The following DPP6 variants were observed in gnomAD, a reference collection of about 807,000 sequenced individuals.
DPP6 encodes A-type potassium channel modulatory protein DPP6.
Under a neutral mutation model 122.6 loss-of-function variants are expected in DPP6, and 69 were observed. The observed-to-expected ratio is 0.56, with a 90% CI of 0.46 to 0.69. DPP6 has a LOEUF of 0.69. Ranked by LOEUF, DPP6 falls within the 30% of genes least tolerant of loss-of-function variation. The pLI, the probability that DPP6 is intolerant of heterozygous loss-of-function variation, is 0.00. For synonymous variants in DPP6, 418 were observed against 433.1 expected (o/e 0.97, Z 0.43); for missense variants, 928 against 1,116.9 (o/e 0.83, Z 2.41).
At chr7:154,003,019 G>A (rs967444887) in intron 1 of DPP6, among the ~76,000 whole-genome samples, 2 of 152,060 alleles carry the variant, frequency 1.3e-5, no homozygotes, top group African/African-American at 4.8e-5. Context: ...TTTGAGGGGA[G>A]GAGAAAAAAG....
the DPP6 span, among the ~76,000 whole-genome samples, chr7:153,842,895 CTTGT>C: frequency 1.3e-5 from 2 of 152,278 alleles, no homozygotes; most frequent in East Asian, 1.9e-4. Flanking sequence ...ATTGATATCA[CTTGT>C]TTGAGTATCT....
chr7:154,839,579 G>A (rs767386498), intron 16 of DPP6, among the ~76,000 whole-genome samples: 5 of 152,352 alleles, frequency 3.3e-5, no homozygotes, highest in Non-Finnish European at 7.3e-5. Context: ...CATGATCAGC[G>A]GGGCGGGATT....
In DPP6 at chr7:154,879,917, G is replaced by T. The variant is rs542086659; in HGVS notation, c.2079-971G>T. ...GCCTCCGCCACGTGGAGGGCACAGC[G>T]CACGCCAGGAAATCTCTTCCGGTTT... On this transcript the variant is annotated intron_variant, in intron 20 of 25. Transcript: ENST00000377770. 2.6e-5 allele frequency among the ~76,000 whole-genome samples: 4 copies of T among 152,214 alleles called. No homozygotes were observed. In the East Asian group the frequency reaches 5.8e-4, roughly 22 times the overall value.
chr7:154,390,940 T>C (rs1174334852), intron 1 of DPP6, among the ~76,000 whole-genome samples: 1 of 151,946 alleles, frequency 6.6e-6, no homozygotes. Flanking sequence ...GTCAGAAGGG[T>C]CCCACCGTTT....
At chr7:154,028,796 T>C (rs1164401261) in intron 1 of DPP6, among the ~76,000 whole-genome samples, 1 of 152,078 alleles carries the variant, frequency 6.6e-6, no homozygotes, top group East Asian at 1.9e-4. Flanking sequence ...CCTTGTTAAC[T>C]CCCTCGTCTG....
At chr7:154,508,373 C>A (rs151279484) in intron 3 of DPP6, among the ~76,000 whole-genome samples, 164 of 152,222 alleles carry the variant, frequency 1.1e-3, no homozygotes, top group South Asian at 9.5e-3. Flanking sequence ...ACTGGGGTTC[C>A]CTCCAGCTGG....
intron 1 of DPP6, among the ~76,000 whole-genome samples, chr7:154,186,426 T>TG (rs1473653485): frequency 6.6e-6 from 1 of 152,272 alleles, no homozygotes; most frequent in Non-Finnish European, 1.5e-5. Context: ...CATCTCCGAA[T>TG]GATCTGAAAA....
At chr7:154,713,619 G>A (rs542447541) in intron 7 of DPP6, among the ~76,000 whole-genome samples, 31 of 152,354 alleles carry the variant, frequency 2.0e-4, no homozygotes, top group Admixed American at 1.8e-3. Flanking sequence ...CAAGCTGTAC[G>A]TTGGCCCCTT....
intron 1 of DPP6, among the ~76,000 whole-genome samples, chr7:153,903,266 G>C (rs1158376766): frequency 6.6e-6 from 1 of 152,206 alleles, no homozygotes; most frequent in Non-Finnish European, 1.5e-5. Context: ...CATGGCTAAG[G>C]AGCAGCCATA....
At chr7:153,998,564 G>A (rs1403214530) in intron 1 of DPP6, among the ~76,000 whole-genome samples, 2 of 152,166 alleles carry the variant, frequency 1.3e-5, no homozygotes, top group African/African-American at 2.4e-5. Flanking sequence ...CAGCAACATC[G>A]TGGTCATGGT....
chr7:153,998,695 T>A (rs548973618), intron 1 of DPP6, among the ~76,000 whole-genome samples: 1 of 152,360 alleles, frequency 6.6e-6, no homozygotes, highest in Non-Finnish European at 1.5e-5. Context: ...AACAGCTCCC[T>A]GTAAGTGACA....
the DPP6 span, among the ~76,000 whole-genome samples, chr7:153,773,416 T>A: frequency 6.6e-6 from 1 of 151,370 alleles, no homozygotes; most frequent in Non-Finnish European, 1.5e-5. Flanking sequence ...TGTAAATTAT[T>A]ATGCAAGAAC....
chr7:154,460,656 T>A (rs1167764734), intron 2 of DPP6, among the ~76,000 whole-genome samples: 1 of 152,250 alleles, frequency 6.6e-6, no homozygotes, highest in Non-Finnish European at 1.5e-5. Flanking sequence ...ATAAGTTGGT[T>A]TTTAAAATCA....
intron 1 of DPP6, among the ~76,000 whole-genome samples, chr7:154,220,264 C>T (rs1800228593): frequency 6.6e-6 from 1 of 152,190 alleles, no homozygotes; most frequent in Admixed American, 6.5e-5. Context: ...CCTTTCTGCT[C>T]TTCCATTCCT....
intron 1 of DPP6, among the ~76,000 whole-genome samples, chr7:154,121,988 A>G (rs1243236249): frequency 7.2e-5 from 11 of 152,272 alleles, no homozygotes; most frequent in Admixed American, 5.2e-4. Context: ...TCTCACAATT[A>G]TAGTAATTAC....
intron 3 of DPP6, among the ~76,000 whole-genome samples, chr7:154,501,216 A>T (rs1006129221): frequency 2.6e-5 from 4 of 151,636 alleles, no homozygotes; most frequent in African/African-American, 7.3e-5. Flanking sequence ...GCAGAGCATG[A>T]AAGTTTGGAC....
chr7:154,554,242 C>A (rs1829856653), intron 4 of DPP6, among the ~76,000 whole-genome samples: 1 of 152,190 alleles, frequency 6.6e-6, no homozygotes, highest in Non-Finnish European at 1.5e-5. Context: ...ATACAATCAT[C>A]TATTTATGTT....
At chr7:154,290,913 G>T (rs1227407816) in intron 1 of DPP6, among the ~76,000 whole-genome samples, 1 of 152,136 alleles carries the variant, frequency 6.6e-6, no homozygotes, top group Non-Finnish European at 1.5e-5. Context: ...ACCTTCCCCA[G>T]TGTCTAAATA....
At position 154,608,333 on chromosome 7, in the gene DPP6, A is replaced by AT. The variant is rs1212849244; in HGVS notation, c.628-29487dup. ...TTTAGGAGTGATCATATATATATAT[A>AT]TATATATATTTTGAGATGGAATCTC... On this transcript the variant is annotated intron_variant, in intron 5 of 25. Transcript: ENST00000377770. Among the ~76,000 whole-genome samples the AT allele has an allele frequency of 1.8e-4, 20 of 113,466 alleles. 1 individual carries two copies. Among genetic ancestry groups the AT allele is most frequent in the African/African-American group, 5.8e-4 (18 of 31,012 alleles). 74.4% of individuals were successfully genotyped at this position (113,466 alleles called of 152,430 possible). A position where few individuals can be genotyped will look rare whatever the true frequency, so the allele number is the denominator to read the frequency against.
Sources: allele counts gnomAD v4.1 joint callset (sites outside exome capture counted in the v4.1 genomes callset), GRCh38; gene constraint gnomAD v4.1.1; transcripts MANE v1.5; gene names NCBI Gene and HGNC (gene_info 2026-07-23, HGNC 2026-07-21).